PDE1C: variants seen among roughly 807,000 people sequenced by gnomAD.
PDE1C encodes the protein dual specificity calcium/calmodulin-dependent 3',5'-cyclic nucleotide phosphodiesterase 1C.
In PDE1C, 62 loss-of-function variants were observed where a neutral mutation model predicts 93.1. That is an observed-to-expected ratio of 0.67 (90% CI 0.54 to 0.82). PDE1C has a LOEUF of 0.82. PDE1C is among the 40% of genes least tolerant of loss of function. PDE1C has a pLI of 0.00. For missense variants in PDE1C, 742 were observed against 884.6 expected (o/e 0.84, Z 2.04); for synonymous variants, 325 against 310.1 (o/e 1.05, Z -0.50).
chr7:32,228,572 C>A (rs755447308), intron 1 of PDE1C, among the ~76,000 whole-genome samples: 1 of 152,180 alleles, frequency 6.6e-6, no homozygotes, highest in Non-Finnish European at 1.5e-5. Flanking sequence ...CTTTCCAGCA[C>A]CTTTGTGTCC....
intron 3 of PDE1C, among the ~76,000 whole-genome samples, chr7:32,126,357 C>A (rs1237316048): frequency 6.6e-6 from 1 of 152,074 alleles, no homozygotes; most frequent in East Asian, 1.9e-4. Flanking sequence ...GGAAGAGTGG[C>A]AGAGCCAGGT....
chr7:32,109,452 C>A (rs11766045), intron 3 of PDE1C, among the ~76,000 whole-genome samples: 7,698 of 152,192 alleles, frequency 0.051, 257 homozygotes, highest in Non-Finnish European at 0.077. Context: ...GATTTCTCAG[C>A]CTCAGCACTA....
At chr7:31,765,355 C>A (rs536062182) in intron 17 of PDE1C, among the ~76,000 whole-genome samples, 2 of 152,236 alleles carry the variant, frequency 1.3e-5, no homozygotes, top group South Asian at 4.1e-4. Context: ...ATTTTCTCAT[C>A]ATTAATGTGT....
intron 2 of PDE1C, among the ~76,000 whole-genome samples, chr7:32,176,634 TTTTATGAATAC>T (rs879281167): frequency 1.3e-5 from 2 of 152,184 alleles, no homozygotes; most frequent in Non-Finnish European, 1.5e-5. Context: ...AATTTAAATA[TTTTATGAATAC>T]AGTATCCCTA....
At chr7:31,724,884 G>A in the PDE1C span, among the ~76,000 whole-genome samples, 1 of 152,160 alleles carries the variant, frequency 6.6e-6, no homozygotes, top group African/African-American at 2.4e-5. Flanking sequence ...TTATATCGGT[G>A]AATTAGCACT....
At chr7:32,027,907 A>G (rs922348588) in intron 2 of PDE1C, among the ~76,000 whole-genome samples, 35 of 152,134 alleles carry the variant, frequency 2.3e-4, no homozygotes, top group African/African-American at 8.4e-4. Context: ...CCAATCAGAA[A>G]AAAAGCATAG....
At chr7:32,019,703 T>C (rs1216562931) in intron 2 of PDE1C, among the ~76,000 whole-genome samples, 1 of 151,964 alleles carries the variant, frequency 6.6e-6, no homozygotes, top group African/African-American at 2.4e-5. Flanking sequence ...ATTTTACATG[T>C]TGAACGGACA....
At chr7:31,628,434 C>G in the PDE1C span, among the ~76,000 whole-genome samples, 1 of 151,848 alleles carries the variant, frequency 6.6e-6, no homozygotes, top group Non-Finnish European at 1.5e-5. Context: ...GGAAGAGAAA[C>G]ACAAGCGTGA....
intron 16 of PDE1C, among the ~76,000 whole-genome samples, chr7:31,781,092 G>C (rs62457306): frequency 0.079 from 12,026 of 152,272 alleles, 1,195 homozygotes; most frequent in African/African-American, 0.22. Flanking sequence ...CATCAAGAGT[G>C]TGGAGAAGAG....
intron 1 of PDE1C, among the ~76,000 whole-genome samples, chr7:32,222,108 A>T (rs897139756): frequency 6.6e-6 from 1 of 152,182 alleles, no homozygotes; most frequent in African/African-American, 2.4e-5. Context: ...GCATGTATAT[A>T]CACGCACACA....
At chr7:31,850,796 G>T in intron 7 of PDE1C, 55 bp from the exon 8 acceptor site, 1 of 1,315,514 alleles carries the variant, frequency 7.6e-7, no homozygotes, top group Non-Finnish European at 1.1e-6. Context: ...AAAGTCTTCA[G>T]CTTGCTGACA....
rs143407749 is a variant in PDE1C at position 32,388,500 on chromosome 7, G to A, written c.310+39322C>T. ...AACATACCAGGCTGAGCAACACAGC[G>A]AGACCCTGTCTCTAAAAATACTTTT... On this transcript the variant is annotated intron_variant, in intron 1 of 1. Transcript: ENST00000672256. 4.7e-3 allele frequency among the ~76,000 whole-genome samples: 711 copies of A among 151,978 alleles called. 8 individuals carry two copies. The highest frequency in any genetic ancestry group is 0.016 in the African/African-American group (650 of 41,442).
chr7:32,056,368 A>ACACACAC (rs1794095353), intron 1 of PDE1C, among the ~76,000 whole-genome samples: 2 of 119,186 alleles, frequency 1.7e-5, no homozygotes, highest in African/African-American at 3.2e-5. Context: ...CTCTCACTGA[A>ACACACAC]ACACACACAC....
chr7:31,851,340 G>C (rs1385124744), intron 7 of PDE1C, among the ~76,000 whole-genome samples: 2 of 152,136 alleles, frequency 1.3e-5, no homozygotes, highest in Non-Finnish European at 2.9e-5. Context: ...GTGTCAGCTG[G>C]GAGCTTGTTA....
chr7:31,990,526 CAGA>C (rs1404910939), intron 2 of PDE1C, among the ~76,000 whole-genome samples: 5 of 152,084 alleles, frequency 3.3e-5, no homozygotes, highest in African/African-American at 1.2e-4. Context: ...TTAGACTTCC[CAGA>C]AGAAGGATGG....
rs184120489 is a variant in PDE1C at position 31,965,803 on chromosome 7, G to T, written c.129-84943C>A. Among the ~76,000 whole-genome samples, 25 of 152,258 alleles carry T rather than the reference G, an allele frequency of 1.6e-4. No individual in the cohort carries two copies. In the East Asian group the frequency reaches 4.1e-3, roughly 25 times the overall value. Reference sequence around the variant, plus strand: ...GCCAGAAGAGAGTGGGGGCAAATATGCAACATTCTTAAAGAAAATAATTTC... The same window carrying T: ...GCCAGAAGAGAGTGGGGGCAAATATTCAACATTCTTAAAGAAAATAATTTC... On this transcript the variant is annotated intron_variant, in intron 2 of 17. Transcript: ENST00000396191.
the PDE1C span, among the ~76,000 whole-genome samples, chr7:31,732,638 CTG>C: frequency 7.7e-4 from 111 of 144,310 alleles, no homozygotes; most frequent in African/African-American, 2.8e-3. Flanking sequence ...TCCTCTCTTT[CTG>C]TGTGTGTGTG....
At chr7:32,331,186 T>C (rs1198192433) in intron 1 of PDE1C, among the ~76,000 whole-genome samples, 1 of 152,170 alleles carries the variant, frequency 6.6e-6, no homozygotes, top group Non-Finnish European at 1.5e-5. Flanking sequence ...CAGGGTGGCC[T>C]CGGGGATAGT....
chr7:32,230,247 C>A (rs1807597902), intron 1 of PDE1C, among the ~76,000 whole-genome samples: 1 of 152,196 alleles, frequency 6.6e-6, no homozygotes, highest in Non-Finnish European at 1.5e-5. Context: ...CAAGTGGCAA[C>A]TCAGTTCTGT....
Sources: allele counts gnomAD v4.1 joint callset (sites outside exome capture counted in the v4.1 genomes callset), GRCh38; gene constraint gnomAD v4.1.1; transcripts MANE v1.5; gene names NCBI Gene and HGNC (gene_info 2026-07-23, HGNC 2026-07-21).